The following NPIPB2 variants were observed in gnomAD, a reference collection of about 807,000 sequenced individuals.
NPIPB2 encodes nuclear pore complex-interacting protein family member B2.
NPIPB2 carries 27 observed loss-of-function variants against 30.8 expected under a neutral mutation model. That is an observed-to-expected ratio of 0.88 (90% CI 0.65 to 1.21). NPIPB2 has a LOEUF of 1.21. Ranked by LOEUF, NPIPB2 falls within the 50% of genes most tolerant of loss-of-function variation. The pLI is 0.00. For missense variants in NPIPB2, 440 were observed against 446.2 expected, an observed-to-expected ratio of 0.99 and a Z score of 0.13; for synonymous variants, 147 against 162.0, an observed-to-expected ratio of 0.91 and a Z score of 0.70.
intron 2 of NPIPB2, among the ~76,000 whole-genome samples, chr16:11,934,144 C>T (rs957635699): frequency 1.3e-5 from 2 of 150,810 alleles, no homozygotes; most frequent in Admixed American, 6.6e-5. Context: ...GGCAGAGAAC[C>T]GTTTGAAGCT....
rs145315224 is a variant in NPIPB2, at chr16:11,964,335, G to A, written c.-584+12233C>T. Among the ~76,000 whole-genome samples, 33 of 151,794 alleles carry A rather than the reference G, an allele frequency of 2.2e-4. No homozygotes were observed. The East Asian group carries it at 6.2e-3, about 28-fold the overall frequency. The stretch of plus-strand genomic sequence containing the variant: ...ATCTTCCTCTCAGCCCTCTTTCCAC[G>A]AGCTCTTACCCTAAATGTCTCTTTT... On this transcript the variant is annotated intron_variant, in intron 1 of 5. Coordinates refer to the NPIPB2 transcript ENST00000538896.
At position 11,972,936 on chromosome 16, in the gene NPIPB2, G is replaced by A. The variant is rs531327054; in HGVS notation, c.-584+3632C>T. Among the ~76,000 whole-genome samples, 6 of 151,966 alleles carry A rather than the reference G, an allele frequency of 3.9e-5. No homozygotes were observed. In the South Asian group the frequency reaches 8.3e-4, roughly 21 times the overall value. On this transcript the variant is annotated intron_variant, in intron 1 of 5. Transcript: ENST00000538896. ...AGCACTTTGGGAGGCCGAGGCGGGCGGATCACCTGAGGTCAGGAGTTTGAG... is the reference window on the plus strand; with the variant it reads ...AGCACTTTGGGAGGCCGAGGCGGGCAGATCACCTGAGGTCAGGAGTTTGAG...
chr16:11,931,880 T>C (rs1397497695), intron 4 of NPIPB2, among the ~76,000 whole-genome samples: 4 of 152,298 alleles, frequency 2.6e-5, no homozygotes, highest in African/African-American at 2.4e-5. Context: ...GAAAGTCAGC[T>C]TCGCATTTGG....
intron 1 of NPIPB2, among the ~76,000 whole-genome samples, chr16:11,970,554 A>G (rs1359289811): frequency 6.6e-6 from 1 of 151,108 alleles, no homozygotes; most frequent in Non-Finnish European, 1.5e-5. Context: ...CTTTCTTTTG[A>G]GACACAGTTT....
exon 3 of NPIPB2, chr16:11,933,862 C>T (rs2054827333): frequency 1.9e-6 from 3 of 1,572,798 alleles, no homozygotes; most frequent in Non-Finnish European, 2.6e-6. Context: ...TGGCTCTCTG[C>T]TGTACATCTG....
upstream of NPIPB2, among the ~76,000 whole-genome samples, chr16:11,946,044 A>G (rs1399340443): frequency 6.6e-6 from 1 of 151,660 alleles, no homozygotes; most frequent in Admixed American, 6.6e-5. Flanking sequence ...AAAGAAAAGA[A>G]AAAAAGAAAG....
intron 1 of NPIPB2, among the ~76,000 whole-genome samples, chr16:11,975,446 C>T (rs1053563886): frequency 3.3e-5 from 5 of 152,012 alleles, no homozygotes; most frequent in Non-Finnish European, 7.4e-5. Context: ...CGCGCCCGGC[C>T]AATCCATCAC....
At chr16:11,970,433 G>A (rs1310643610) in intron 1 of NPIPB2, among the ~76,000 whole-genome samples, 4 of 151,884 alleles carry the variant, frequency 2.6e-5, no homozygotes, top group African/African-American at 7.3e-5. Context: ...GGCTGGTCTC[G>A]GACTCCTGAC....
intron 1 of NPIPB2, among the ~76,000 whole-genome samples, chr16:11,966,664 A>C (rs988200360): frequency 1.3e-5 from 2 of 152,162 alleles, no homozygotes; most frequent in Admixed American, 1.3e-4. Flanking sequence ...CATTATCAGA[A>C]ACTCCTAGCC....
intron 4 of NPIPB2, among the ~76,000 whole-genome samples, chr16:11,932,377 G>C (rs1269790522): frequency 2.7e-5 from 4 of 149,502 alleles, no homozygotes; most frequent in Non-Finnish European, 6.0e-5. Flanking sequence ...CAACAATCCA[G>C]GCTGGGTGCG....
chr16:11,971,753 G>A (rs534081855), intron 1 of NPIPB2, among the ~76,000 whole-genome samples: 1 of 151,940 alleles, frequency 6.6e-6, no homozygotes, highest in African/African-American at 2.4e-5. Context: ...CCTCAGCCTC[G>A]CAAAGTGCTG....
chr16:11,971,573 C>A (rs919886360), intron 1 of NPIPB2, among the ~76,000 whole-genome samples: 1 of 152,072 alleles, frequency 6.6e-6, no homozygotes, highest in Non-Finnish European at 1.5e-5. Context: ...TGGCTCACTG[C>A]AACCTCTGCT....
intron 1 of NPIPB2, among the ~76,000 whole-genome samples, chr16:11,958,064 G>C (rs1164930972): frequency 6.6e-6 from 1 of 152,104 alleles, no homozygotes; most frequent in Non-Finnish European, 1.5e-5. Flanking sequence ...CCTATGATGA[G>C]AACTTTCTAA....
chr16:11,958,338 G>A (rs1307117710), intron 1 of NPIPB2, among the ~76,000 whole-genome samples: 2 of 151,824 alleles, frequency 1.3e-5, no homozygotes, highest in Non-Finnish European at 1.5e-5. Context: ...TGAGGCAGGA[G>A]ACGTGCTTGA....
chr16:11,974,304 G>A (rs907894628), intron 1 of NPIPB2, among the ~76,000 whole-genome samples: 1 of 152,088 alleles, frequency 6.6e-6, no homozygotes, highest in African/African-American at 2.4e-5. Flanking sequence ...GATCACCTGA[G>A]GTCAGGAGTT....
At position 11,941,129 on chromosome 16, in the gene NPIPB2, G is replaced by A. The variant is rs1469813058; in HGVS notation, c.63+854C>T. On this transcript the variant is annotated intron_variant, in intron 1 of 7. Coordinates refer to ENST00000399147, the Ensembl canonical transcript of NPIPB2. ...ATTTCATGCCGCGTGACACAGCCCA[G>A]TAAAAAGGAAGAAACCCCGCGGGTC... is the stretch of plus-strand genomic sequence containing the variant. The A allele has an allele frequency of 7.5e-6, 11 of 1,467,482 alleles. No homozygotes were observed. The East Asian group carries it at 3.0e-4, about 40-fold the overall frequency. The allele number at this position is 1,467,482 out of a possible 1,614,324, so 90.9% of individuals were successfully genotyped here. A position where few individuals can be genotyped will look rare whatever the true frequency, so the allele number is the denominator to read the frequency against.
chr16:11,947,337 T>TA (rs143086082), intron 1 of NPIPB2, among the ~76,000 whole-genome samples: 146 of 132,440 alleles, frequency 1.1e-3, no homozygotes, highest in Non-Finnish European at 2.0e-3. Flanking sequence ...TATATATATA[T>TA]TTATTTATTT....
chr16:11,927,497 G>A (rs1293179890), exon 8 of NPIPB2: 3 of 1,488,530 alleles, frequency 2.0e-6, no homozygotes, highest in Non-Finnish European at 1.8e-6. Context: ...CACCTCAGCG[G>A]CCCTCCGCCT....
intron 1 of NPIPB2, among the ~76,000 whole-genome samples, chr16:11,965,828 G>A (rs1309556892): frequency 3.3e-5 from 5 of 152,084 alleles, no homozygotes; most frequent in East Asian, 1.9e-4. Flanking sequence ...TATGACAGCC[G>A]GGTGCGGTGG....
Sources: allele counts gnomAD v4.1 joint callset (sites outside exome capture counted in the v4.1 genomes callset), GRCh38; gene constraint gnomAD v4.1.1; transcripts MANE v1.5; gene names NCBI Gene and HGNC (gene_info 2026-07-23, HGNC 2026-07-21).